Variants in NDUFAF6 observed in about 807,000 individuals in gnomAD.
NDUFAF6 encodes NADH dehydrogenase (ubiquinone) complex I, assembly factor 6.
NDUFAF6 carries 45 observed loss-of-function variants against 40.8 expected under a neutral mutation model. That is an observed-to-expected ratio of 1.10 (90% CI 0.87 to 1.42). The LOEUF is 1.42. Ranked by LOEUF, NDUFAF6 falls within the 40% of genes most tolerant of loss-of-function variation. NDUFAF6 has a pLI of 0.00. For synonymous variants in NDUFAF6, 185 were observed against 155.9 expected, an observed-to-expected ratio of 1.19 and a Z score of -1.39; for missense variants, 435 against 418.5, an observed-to-expected ratio of 1.04 and a Z score of -0.34.
chr8:95,053,637 T>G (rs1402688129), intron 8 of NDUFAF6, among the ~76,000 whole-genome samples: 1 of 151,942 alleles, frequency 6.6e-6, no homozygotes, highest in Non-Finnish European at 1.5e-5. Flanking sequence ...CTTTCTTTTT[T>G]TTTTTGGAGG....
intron 8 of NDUFAF6, among the ~76,000 whole-genome samples, chr8:95,055,888 T>C (rs1309495844): frequency 6.6e-6 from 1 of 152,176 alleles, no homozygotes; most frequent in Non-Finnish European, 1.5e-5. Context: ...CTGTCACCAT[T>C]AAATTGGACT....
At chr8:95,062,143 A>G (rs1235121965), downstream of NDUFAF6, among the ~76,000 whole-genome samples, 1 of 151,016 alleles carries the variant, frequency 6.6e-6, no homozygotes, top group Non-Finnish European at 1.5e-5. Flanking sequence ...CCTGGGCGAC[A>G]GAGACCGTGG....
At chr8:95,063,318 T>C (rs545334106), downstream of NDUFAF6, among the ~76,000 whole-genome samples, 4 of 152,346 alleles carry the variant, frequency 2.6e-5, no homozygotes, top group African/African-American at 9.6e-5. Context: ...CCACAAATAC[T>C]GTTTTCCTGT....
At chr8:94,909,641 T>A (rs1818635946) in intron 1 of NDUFAF6, among the ~76,000 whole-genome samples, 1 of 151,170 alleles carries the variant, frequency 6.6e-6, no homozygotes, top group African/African-American at 2.4e-5. Context: ...AAAAAAAAAT[T>A]TTTTTCAAAA....
At chr8:94,970,253 C>CAAAAA (rs891358442) in intron 1 of NDUFAF6, among the ~76,000 whole-genome samples, 5 of 62,890 alleles carry the variant, frequency 8.0e-5, no homozygotes, top group South Asian at 1.2e-3. Context: ...GACTCCGTCT[C>CAAAAA]AAAAAAAAAA....
chr8:94,969,496 C>T (rs867432058), intron 1 of NDUFAF6, among the ~76,000 whole-genome samples: 1 of 152,260 alleles, frequency 6.6e-6, no homozygotes, highest in South Asian at 2.1e-4. Context: ...GGGAAATTAG[C>T]TGGGCCTGGT....
downstream of NDUFAF6, among the ~76,000 whole-genome samples, chr8:95,103,797 G>A (rs373765570): frequency 2.6e-4 from 39 of 152,312 alleles, no homozygotes; most frequent in African/African-American, 9.1e-4. Flanking sequence ...TCTTGGAGAA[G>A]AAGTTGGAGT....
At chr8:94,913,405 T>G (rs560436809) in intron 1 of NDUFAF6, among the ~76,000 whole-genome samples, 242 of 152,356 alleles carry the variant, frequency 1.6e-3, no homozygotes, top group African/African-American at 5.5e-3. Context: ...CATTGACTGA[T>G]CACACATTTT....
intron 2 of NDUFAF6, among the ~76,000 whole-genome samples, chr8:95,081,511 CCTT>C: frequency 6.6e-6 from 1 of 152,064 alleles, no homozygotes; most frequent in East Asian, 1.9e-4. Context: ...TCCCAGCCCA[CCTT>C]CTTTGTCAGC....
intron 3 of NDUFAF6, among the ~76,000 whole-genome samples, chr8:95,036,911 T>C (rs903942343): frequency 6.6e-6 from 1 of 152,224 alleles, no homozygotes; most frequent in Non-Finnish European, 1.5e-5. Flanking sequence ...ATGCAGGTCA[T>C]GTTCAGTGCA....
intron 3 of NDUFAF6, among the ~76,000 whole-genome samples, chr8:95,040,350 T>G (rs1425170859): frequency 1.3e-5 from 2 of 152,222 alleles, no homozygotes; most frequent in South Asian, 4.1e-4. Context: ...TAATTTTTAT[T>G]ACTTAGTCAC....
In NDUFAF6 at chr8:95,025,165, G is replaced by A. The variant is rs1456909191; in HGVS notation, c.157G>A (p.Gly53Ser). The change falls in exon 1 of 9, where the codon GGC (glycine) becomes AGC (serine). Residue 53 changes from glycine to serine, a missense_variant. Physicochemically the swap from Gly to Ser is moderately conservative, Grantham distance 56. Transcript: ENST00000396124. Reference sequence around the variant, plus strand: ...GAGCGTGGCTGCGGCCAGCGGACCGGGCGCCTGGGGCACTGACCACTACTG... The same window carrying A: ...GAGCGTGGCTGCGGCCAGCGGACCGAGCGCCTGGGGCACTGACCACTACTG... The part of the protein sequence containing the change: ...GRSVAAASGP[G>S]AWGTDHYCLE... The A allele has an allele frequency of 6.8e-6, 10 of 1,481,434 alleles. No individual in the cohort carries two copies. In the East Asian group the frequency reaches 2.9e-4, roughly 43 times the overall value. The allele number at this position is 1,481,434 out of a possible 1,614,324, so 91.8% of individuals were successfully genotyped here.
chr8:94,950,777 A>G (rs1822534685), intron 2 of NDUFAF6: 2 of 152,224 alleles, frequency 1.3e-5, no homozygotes, highest in African/African-American at 2.4e-5. Flanking sequence ...CTAGGAATCC[A>G]TTGAAGAGGC....
At chr8:94,988,882 A>G (rs1396006981) in intron 2 of NDUFAF6, 2 of 152,250 alleles carry the variant, frequency 1.3e-5, no homozygotes, top group Non-Finnish European at 2.9e-5. Flanking sequence ...CATGTGCTAT[A>G]ATGTGGATGT....
In NDUFAF6 at chr8:95,041,614, C is replaced by G; in HGVS notation, c.465C>G (p.Ile155Met). The change falls in exon 4 of 9, where the codon ATC (isoleucine) becomes ATG (methionine). Residue 155 changes from isoleucine (I) to methionine (M), a missense_variant. By Grantham distance (10) the Ile-to-Met change is conservative. Coordinates refer to ENST00000396124, the MANE Select transcript of NDUFAF6 (RefSeq NM_152416.4). ...TGACTAAAAGATGGCTTATGAAAAT[C>G]GTCGATGAAAGAGTGAGTCAAAATT... ...HNLTKRWLMK[I>M]VDEREKNLDD... 6.2e-7 allele frequency: 1 copy of G among 1,611,964 alleles called. No homozygotes were observed. The highest frequency in any genetic ancestry group is 1.1e-5 in the South Asian group (1 of 91,018).
chr8:94,938,123 T>A (rs993766224), intron 1 of NDUFAF6, among the ~76,000 whole-genome samples: 12 of 152,218 alleles, frequency 7.9e-5, no homozygotes, highest in Non-Finnish European at 1.6e-4. Flanking sequence ...TAAGCTCAGG[T>A]ATACCAGATG....
intron 9 of NDUFAF6, among the ~76,000 whole-genome samples, chr8:95,069,903 A>C (rs932663127): frequency 6.6e-6 from 1 of 150,486 alleles, no homozygotes; most frequent in Non-Finnish European, 1.5e-5. Context: ...AATGTTCTTG[A>C]TGTTACATAA....
intron 1 of NDUFAF6, among the ~76,000 whole-genome samples, chr8:94,938,881 A>G (rs1349157510): frequency 6.6e-6 from 1 of 152,276 alleles, no homozygotes; most frequent in African/African-American, 2.4e-5. Context: ...GGTCAGAAGC[A>G]TAAGTAAAAC....
At chr8:94,976,501 C>CA (rs35323204) in intron 1 of NDUFAF6, among the ~76,000 whole-genome samples, 1,256 of 91,902 alleles carry the variant, frequency 0.014, 22 homozygotes, top group Middle Eastern at 0.033. Flanking sequence ...CACTCCATCT[C>CA]AAAAAAAAAA....
Sources: allele counts gnomAD v4.1 joint callset (sites outside exome capture counted in the v4.1 genomes callset), GRCh38; gene constraint gnomAD v4.1.1; transcripts MANE v1.5; gene names NCBI Gene and HGNC (gene_info 2026-07-23, HGNC 2026-07-21).